The following CBR4 variants were observed in gnomAD, a reference collection of about 807,000 sequenced individuals.
CBR4 encodes carbonyl reductase 4.
CBR4 carries 22 observed loss-of-function variants against 21.0 expected under a neutral mutation model. That is an observed-to-expected ratio of 1.05 (90% CI 0.75 to 1.50). The LOEUF is 1.50. Ranked by LOEUF, CBR4 falls within the 40% of genes most tolerant of loss-of-function variation. The pLI, the probability that CBR4 is intolerant of heterozygous loss-of-function variation, is 0.00. For synonymous variants in CBR4, 100 were observed against 104.4 expected (o/e 0.96, Z 0.26); for missense variants, 302 against 286.3 (o/e 1.05, Z -0.40).
In CBR4 at chr4:169,009,958, A is replaced by T. The variant is rs766854823; in HGVS notation, c.132T>A (p.Gly44=). 6.2e-7 allele frequency: 1 copy of T among 1,611,868 alleles called. No individual in the cohort carries two copies. Among genetic ancestry groups the T allele is most frequent in the East Asian group, 2.2e-5 (1 of 44,826 alleles). The change falls in exon 1 of 5, where the codon GGT becomes GGA. Residue 44 remains glycine, a synonymous_variant. Coordinates refer to ENST00000306193, the MANE Select transcript of CBR4 (RefSeq NM_032783.5). ...RNLEGAKAAA[G]DLGGDHLAFS... ...CAGTTTGGTACCTACCGCCGAGGTCACCGGCGGCGGCTTTGGCCCCTTCCA... is the reference window on the plus strand; with the variant it reads ...CAGTTTGGTACCTACCGCCGAGGTCTCCGGCGGCGGCTTTGGCCCCTTCCA...
At chr4:168,959,571 T>TTTTC (rs1763785978) in intron 2 of CBR4, among the ~76,000 whole-genome samples, 1 of 149,144 alleles carries the variant, frequency 6.7e-6, no homozygotes, top group African/African-American at 2.5e-5. Flanking sequence ...CTTTTTTTTT[T>TTTTC]TTTTTTTTTT....
intron 4 of CBR4, among the ~76,000 whole-genome samples, chr4:168,996,482 C>T (rs1363239851): frequency 6.7e-6 from 1 of 149,446 alleles, no homozygotes; most frequent in Non-Finnish European, 1.5e-5. Context: ...ACTGATAAAC[C>T]AATATTGATA....
intron 2 of CBR4, among the ~76,000 whole-genome samples, chr4:168,945,329 C>T (rs560454970): frequency 6.6e-6 from 1 of 152,322 alleles, no homozygotes; most frequent in Admixed American, 6.5e-5. Flanking sequence ...AATTTATCCA[C>T]TGTATTCTCA....
At chr4:168,954,371 T>C (rs1560961004) in intron 2 of CBR4, among the ~76,000 whole-genome samples, 1 of 152,208 alleles carries the variant, frequency 6.6e-6, no homozygotes, top group East Asian at 1.9e-4. Context: ...AAGAGATTTA[T>C]TTGCTTCATG....
intron 2 of CBR4, among the ~76,000 whole-genome samples, chr4:168,907,120 T>G (rs537996702): frequency 6.6e-6 from 1 of 151,766 alleles, no homozygotes; most frequent in Non-Finnish European, 1.5e-5. Context: ...AAAATGAGGA[T>G]GATAATAATA....
chr4:168,920,265 G>C (rs774343739), intron 2 of CBR4, among the ~76,000 whole-genome samples: 3 of 152,170 alleles, frequency 2.0e-5, no homozygotes, highest in Non-Finnish European at 4.4e-5. Context: ...AACTACTGCT[G>C]TTTGTTTCCA....
At chr4:168,903,512 A>G (rs1408216198) in intron 2 of CBR4, among the ~76,000 whole-genome samples, 1 of 152,222 alleles carries the variant, frequency 6.6e-6, no homozygotes, top group African/African-American at 2.4e-5. Context: ...TAAATAATAT[A>G]TGAATGTAAG....
chr4:168,998,070 CTT>C (rs1765291427), intron 4 of CBR4, among the ~76,000 whole-genome samples: 2 of 152,136 alleles, frequency 1.3e-5, no homozygotes, highest in Non-Finnish European at 2.9e-5. Flanking sequence ...TCATGCAAAT[CTT>C]TGTCAACAAG....
chr4:168,914,215 C>G lies in CBR4; in HGVS notation n.170-19450G>C, dbSNP rs989484536. The G allele has an allele frequency of 1.8e-5, 11 of 599,406 alleles. No homozygotes were observed. The South Asian group carries it at 2.2e-4, about 12-fold the overall frequency. The allele number at this position is 599,406 out of a possible 1,614,324, so 37.1% of individuals were successfully genotyped here. On this transcript the variant is annotated intron_variant and non_coding_transcript_variant, in intron 2 of 3. Transcript: ENST00000509108. ...CAGAAAGGGAATGGGAACAAACATT[C>G]GCTAATGTGTGCTAAGCCCATTCAC... is the stretch of plus-strand genomic sequence containing the variant.
intron 3 of CBR4, chr4:168,894,526 C>A: frequency 9.2e-7 from 1 of 1,092,130 alleles, no homozygotes; most frequent in Non-Finnish European, 1.4e-6. Flanking sequence ...TAGGGCAGTA[C>A]ATATTTGTGA....
chr4:168,969,426 A>G (rs866868074), intron 2 of CBR4, among the ~76,000 whole-genome samples: 6 of 152,322 alleles, frequency 3.9e-5, no homozygotes, highest in Middle Eastern at 3.4e-3. Context: ...TTTTGCAAAT[A>G]TAACTAAGGT....
At chr4:168,927,673 A>G in intron 2 of CBR4, 1 of 226,158 alleles carries the variant, frequency 4.4e-6, no homozygotes, top group Admixed American at 5.7e-5. Context: ...TTGCCTTAAG[A>G]AGGTGCTGGA....
rs1764824943 is a variant in CBR4 at position 168,989,877 on chromosome 4, G to GT, written c.*272dup. The GT allele has an allele frequency of 9.3e-7, 1 of 1,076,034 alleles. No individual in the cohort carries two copies. Among genetic ancestry groups the GT allele is most frequent in the Admixed American group, 5.1e-5 (1 of 19,418 alleles). The allele number at this position is 1,076,034 out of a possible 1,614,324, so 66.7% of individuals were successfully genotyped here. A position where few individuals can be genotyped will look rare whatever the true frequency, so the allele number is the denominator to read the frequency against. Reference sequence around the variant, plus strand: ...AAATATGTTAAAACCACTGAATTGTGTATTTTAAATGTGTGATTATATGGT... The same window carrying GT: ...AAATATGTTAAAACCACTGAATTGTGTTATTTTAAATGTGTGATTATATGGT... On this transcript the variant is annotated 3_prime_UTR_variant, in exon 5 of 5. Transcript: ENST00000306193.
chr4:168,979,088 T>C (rs1449236322), intron 2 of CBR4, among the ~76,000 whole-genome samples: 3 of 151,912 alleles, frequency 2.0e-5, no homozygotes, highest in African/African-American at 7.3e-5. Context: ...GGCCACACTA[T>C]TTTCCACGCA....
At chr4:168,966,356 C>CAAAAA (rs1215042926) in intron 2 of CBR4, among the ~76,000 whole-genome samples, 11 of 75,176 alleles carry the variant, frequency 1.5e-4, no homozygotes, top group African/African-American at 2.2e-4. Context: ...ACTAAAAATA[C>CAAAAA]AAAAAAAAAA....
intron 2 of CBR4, among the ~76,000 whole-genome samples, chr4:168,951,122 A>G (rs1175850725): frequency 6.6e-6 from 1 of 151,768 alleles, no homozygotes; most frequent in African/African-American, 2.4e-5. Context: ...GCAGTGGTGC[A>G]ATCTTGGCTC....
At chr4:168,998,457 T>A (rs1345455005) in intron 4 of CBR4, among the ~76,000 whole-genome samples, 2 of 152,194 alleles carry the variant, frequency 1.3e-5, no homozygotes, top group East Asian at 3.8e-4. Flanking sequence ...ATGATTCAAT[T>A]TATATGAAAT....
At chr4:168,997,464 G>A (rs1419629023) in intron 4 of CBR4, among the ~76,000 whole-genome samples, 3 of 152,108 alleles carry the variant, frequency 2.0e-5, no homozygotes, top group African/African-American at 7.2e-5. Flanking sequence ...GCCAGGTGTG[G>A]TGGCTTATGC....
At chr4:168,902,751 T>C (rs761687025) in intron 2 of CBR4, among the ~76,000 whole-genome samples, 1 of 152,144 alleles carries the variant, frequency 6.6e-6, no homozygotes, top group Non-Finnish European at 1.5e-5. Flanking sequence ...AAAAATATTG[T>C]ATTTAATCAA....
Sources: allele counts gnomAD v4.1 joint callset (sites outside exome capture counted in the v4.1 genomes callset), GRCh38; gene constraint gnomAD v4.1.1; transcripts MANE v1.5; gene names NCBI Gene and HGNC (gene_info 2026-07-23, HGNC 2026-07-21).